Variants in CABLES1 observed in about 807,000 individuals in gnomAD.
CABLES1 encodes the protein Cdk5 and Abl enzyme substrate 1.
A neutral mutation model predicts 57.8 loss-of-function variants in CABLES1; 36 were observed. The ratio of observed to expected loss-of-function variants is 0.62; its 90% CI spans 0.48 to 0.82. The LOEUF (loss-of-function observed/expected upper bound fraction) is 0.82. CABLES1 is among the 40% of genes least tolerant of loss of function. The pLI, the probability that CABLES1 is intolerant of heterozygous loss-of-function variation, is 0.00. For missense variants in CABLES1, 767 were observed against 836.6 expected (o/e 0.92, Z 1.03); for synonymous variants, 374 against 363.0 (o/e 1.03, Z -0.35).
intron 1 of CABLES1, among the ~76,000 whole-genome samples, chr18:23,183,022 C>A (rs951994187): frequency 6.6e-6 from 1 of 152,238 alleles, no homozygotes; most frequent in Non-Finnish European, 1.5e-5. Context: ...TCCTCAGAGT[C>A]GCTGCAAATC....
intron 1 of CABLES1, among the ~76,000 whole-genome samples, chr18:23,153,043 G>A (rs541750512): frequency 2.6e-5 from 4 of 151,780 alleles, no homozygotes; most frequent in East Asian, 1.9e-4. Flanking sequence ...CTTGTGATCC[G>A]CCTACCTTGG....
intron 3 of CABLES1, among the ~76,000 whole-genome samples, chr18:23,209,728 C>T (rs1263820378): frequency 6.6e-6 from 1 of 152,140 alleles, no homozygotes; most frequent in Non-Finnish European, 1.5e-5. Context: ...CAGAGACTCC[C>T]CAGGTGGCTG....
In CABLES1 at chr18:23,248,512, C is replaced by CTTTTTTTTTTTTTT. The variant is rs59555750; in HGVS notation, c.1447-4435_1447-4422dup. ...CTGGCAATGTAGCAAGACCCTATGT[C>CTTTTTTTTTTTTTT]TTTTTTTTTTTTTTTTTTTTTTTTT... On this transcript the variant is annotated intron_variant, in intron 7 of 9. Coordinates refer to ENST00000256925, the MANE Select transcript of CABLES1 (RefSeq NM_001100619.3). Among the ~76,000 whole-genome samples, 38 of 90,720 alleles carry CTTTTTTTTTTTTTT rather than the reference C, an allele frequency of 4.2e-4. 2 individuals are homozygous for CTTTTTTTTTTTTTT. Among genetic ancestry groups the CTTTTTTTTTTTTTT allele is most frequent in the Non-Finnish European group, 5.5e-4 (26 of 46,916 alleles). The allele number at this position is 90,720 out of a possible 152,430, so 59.5% of individuals were successfully genotyped here.
chr18:23,227,885 A>C (rs2047539480), intron 4 of CABLES1, among the ~76,000 whole-genome samples: 1 of 152,208 alleles, frequency 6.6e-6, no homozygotes, highest in Admixed American at 6.5e-5. Flanking sequence ...AATTATTGAC[A>C]CATCAAAGTG....
chr18:23,222,087 C>A lies in CABLES1; in HGVS notation c.1088+8033C>A, dbSNP rs2047491650. ...GGATTCAGTCAGGCCTAACTTAAAA[C>A]CTCCTTTGTGGTCCCCCAGACTTAA... On this transcript the variant is annotated intron_variant, in intron 4 of 9. Coordinates refer to ENST00000256925, the MANE Select transcript of CABLES1 (RefSeq NM_001100619.3). 2.0e-5 allele frequency among the ~76,000 whole-genome samples: 3 copies of A among 152,198 alleles called. No individual in the cohort carries two copies. In the South Asian group the frequency reaches 6.2e-4, roughly 31 times the overall value.
At chr18:23,253,639 G>A (rs1464721978) in intron 8 of CABLES1, 90 bp from the exon 9 acceptor site, 1 of 1,102,840 alleles carries the variant, frequency 9.1e-7, no homozygotes, top group Non-Finnish European at 1.3e-6. Context: ...GAAAGAGAAA[G>A]AGAAAAAGCA....
At chr18:23,148,224 C>A (rs1160252094) in intron 1 of CABLES1, among the ~76,000 whole-genome samples, 1 of 152,076 alleles carries the variant, frequency 6.6e-6, no homozygotes, top group Non-Finnish European at 1.5e-5. Flanking sequence ...CTCCTGATCT[C>A]ATGATCCACC....
chr18:23,216,613 C>T lies in CABLES1; in HGVS notation c.1088+2559C>T, dbSNP rs1038428750. Among the ~76,000 whole-genome samples, 7 of 152,212 alleles carry T rather than the reference C, an allele frequency of 4.6e-5. 1 individual carries two copies. The highest frequency in any genetic ancestry group is 4.6e-4 in the Admixed American group (7 of 15,284). The stretch of plus-strand genomic sequence containing the variant: ...TTTATTACTTATTAGCTTCTGTGAG[C>T]TTCCATTGGCTCCTCTGTAGAATGG... On this transcript the variant is annotated intron_variant, in intron 4 of 9. Coordinates refer to ENST00000256925, the MANE Select transcript of CABLES1 (RefSeq NM_001100619.3).
At chr18:23,161,846 C>T (rs1598805397) in intron 1 of CABLES1, among the ~76,000 whole-genome samples, 3 of 151,096 alleles carry the variant, frequency 2.0e-5, no homozygotes, top group South Asian at 4.2e-4. Flanking sequence ...GGGGTGAACC[C>T]GGGAGGCGGA....
intron 7 of CABLES1, among the ~76,000 whole-genome samples, chr18:23,242,046 C>T (rs954008353): frequency 6.6e-6 from 1 of 152,112 alleles, no homozygotes; most frequent in Non-Finnish European, 1.5e-5. Context: ...AAGGCCGAGG[C>T]GGGTGGATCA....
chr18:23,257,054 G>A, intron 9 of CABLES1, 173 bp from the exon 10 acceptor site: 2 of 671,060 alleles, frequency 3.0e-6, no homozygotes, highest in East Asian at 2.8e-5. Context: ...TTCACAACCA[G>A]GACCGAAGGC....
In CABLES1 at chr18:23,177,308, G is replaced by T. The variant is rs565093368; in HGVS notation, c.846-11530G>T. On this transcript the variant is annotated intron_variant, in intron 1 of 9. Coordinates refer to ENST00000256925, the MANE Select transcript of CABLES1 (RefSeq NM_001100619.3). ...GCCTCTGTCTAAGGAGGTAACTCTG[G>T]CCCCCTGCACCACACACTTGCTCAC... Among the ~76,000 whole-genome samples the T allele has an allele frequency of 2.2e-4, 33 of 152,056 alleles. 1 individual carries two copies. In the East Asian group the frequency reaches 3.3e-3, roughly 15 times the overall value.
chr18:23,195,572 T>C (rs1167958635), intron 3 of CABLES1, among the ~76,000 whole-genome samples: 2 of 152,228 alleles, frequency 1.3e-5, no homozygotes, highest in African/African-American at 4.8e-5. Context: ...TTGAAGTTTA[T>C]GCCTAGTTTT....
chr18:23,189,419 G>A (rs967841098), intron 2 of CABLES1: 9 of 160,816 alleles, frequency 5.6e-5, no homozygotes, highest in East Asian at 1.9e-4. Context: ...CTTGCAAGGC[G>A]TCTTTTTGGG....
intron 1 of CABLES1, among the ~76,000 whole-genome samples, chr18:23,162,863 A>G (rs2047014587): frequency 6.6e-6 from 1 of 152,194 alleles, no homozygotes; most frequent in Non-Finnish European, 1.5e-5. Context: ...AAAGCTGTTC[A>G]TGTCCTGTGG....
intron 4 of CABLES1, among the ~76,000 whole-genome samples, chr18:23,221,949 A>C (rs959900797): frequency 6.6e-6 from 1 of 152,194 alleles, no homozygotes; most frequent in Non-Finnish European, 1.5e-5. Flanking sequence ...ACGGGTCGCT[A>C]AGAAGCTTAG....
chr18:23,134,875 G>T (rs565629903), upstream of CABLES1, among the ~76,000 whole-genome samples: 10 of 152,202 alleles, frequency 6.6e-5, no homozygotes, highest in Non-Finnish European at 1.3e-4. Context: ...TTATCCCGGG[G>T]GCTGCATCCT....
At chr18:23,196,448 A>G (rs1487535973) in intron 3 of CABLES1, among the ~76,000 whole-genome samples, 1 of 152,194 alleles carries the variant, frequency 6.6e-6, no homozygotes, top group Non-Finnish European at 1.5e-5. Flanking sequence ...GTCCTTAGAC[A>G]GATGAAAGTG....
rs764995696 is a variant in CABLES1, at chr18:23,234,638, A to C, written c.1119A>C (p.Ser373=). ...GDLKLDGGRQ[S]TGAVSLKEII... The stretch of plus-strand genomic sequence containing the variant: ...TGAAGTTGGACGGAGGAAGACAATC[A>C]ACTGGTGCAGTGAGTTTGAAAGAGA... Residue 373 remains serine (S), a synonymous_variant, in exon 5 of 10, where the codon TCA becomes TCC. Transcript: ENST00000256925. 83 of 1,613,802 alleles carry C rather than the reference A, an allele frequency of 5.1e-5. No homozygotes were observed. The highest frequency in any genetic ancestry group is 6.9e-5 in the Non-Finnish European group (82 of 1,179,860).
Sources: allele counts gnomAD v4.1 joint callset (sites outside exome capture counted in the v4.1 genomes callset), GRCh38; gene constraint gnomAD v4.1.1; transcripts MANE v1.5; gene names NCBI Gene and HGNC (gene_info 2026-07-23, HGNC 2026-07-21).